EYS: variants seen among roughly 807,000 people sequenced by gnomAD.
EYS encodes protein eyes shut homolog.
A neutral mutation model predicts 282.1 loss-of-function variants in EYS; 250 were observed. The ratio of observed to expected loss-of-function variants is 0.89; its 90% CI spans 0.80 to 0.98. The LOEUF (loss-of-function observed/expected upper bound fraction) is 0.98. Ranked by LOEUF, EYS falls within the 50% of genes least tolerant of loss-of-function variation. EYS has a pLI of 0.00. For missense variants in EYS, 4,016 were observed against 3,709.0 expected, an observed-to-expected ratio of 1.08 and a Z score of -2.15; for synonymous variants, 1,355 against 1,282.9, an observed-to-expected ratio of 1.06 and a Z score of -1.20.
At chr6:63,848,896 C>T (rs1772170240) in intron 36 of EYS, among the ~76,000 whole-genome samples, 1 of 152,182 alleles carries the variant, frequency 6.6e-6, no homozygotes, top group Non-Finnish European at 1.5e-5. Context: ...CTCAGCGGAT[C>T]CCACCTCCAT....
chr6:65,364,247 G>GCTT (rs113187875), intron 8 of EYS, among the ~76,000 whole-genome samples: 1 of 146,320 alleles, frequency 6.8e-6, no homozygotes, highest in Non-Finnish European at 1.5e-5. Context: ...TCAACTAAAT[G>GCTT]TTTTTTTTTT....
intron 26 of EYS, among the ~76,000 whole-genome samples, chr6:64,577,758 C>G (rs1338118910): frequency 2.6e-5 from 4 of 152,042 alleles, no homozygotes; most frequent in African/African-American, 9.7e-5. Context: ...TAAGGAATGT[C>G]ATTATACACT....
chr6:65,536,522 G>A (rs1767969262), intron 2 of EYS, among the ~76,000 whole-genome samples: 2 of 152,070 alleles, frequency 1.3e-5, no homozygotes, highest in South Asian at 4.1e-4. Flanking sequence ...AGTAGTTCAA[G>A]AAAAAGCCAG....
Position 64,591,406 on chromosome 6 carries a change from G to A in EYS, c.4461C>T (p.Leu1487=). 1 of 1,551,282 alleles carries A rather than the reference G, an allele frequency of 6.4e-7. No homozygotes were observed. The highest frequency in any genetic ancestry group is 1.4e-5 in the African/African-American group (1 of 73,122). Residue 1487 remains leucine, a synonymous_variant, in exon 26 of 43, where the codon CTC becomes CTT. Transcript: ENST00000503581. ...GAAAAATGGGAGACATCGAGGGGCT[G>A]AGCAATCTCCAGTGCTCTCTTCTTG... ...LISRREHWRL[L]SPSMSPIFPA...
chr6:64,927,933 C>T (rs1768572219), intron 15 of EYS, among the ~76,000 whole-genome samples: 1 of 151,788 alleles, frequency 6.6e-6, no homozygotes, highest in African/African-American at 2.4e-5. Flanking sequence ...TTTTCAAAAG[C>T]CCAACAAATA....
At chr6:65,583,204 T>C (rs1441934010) in intron 2 of EYS, among the ~76,000 whole-genome samples, 1 of 152,072 alleles carries the variant, frequency 6.6e-6, no homozygotes, top group Non-Finnish European at 1.5e-5. Flanking sequence ...AAATCTAGGT[T>C]ATAATACTCC....
At chr6:64,302,131 T>G (rs1443873303) in intron 30 of EYS, among the ~76,000 whole-genome samples, 1 of 152,214 alleles carries the variant, frequency 6.6e-6, no homozygotes, top group Non-Finnish European at 1.5e-5. Flanking sequence ...CTGCCCGGTT[T>G]ATTGGCTTAT....
intron 1 of EYS, among the ~76,000 whole-genome samples, chr6:65,668,032 G>C (rs1466158219): frequency 2.0e-5 from 3 of 151,832 alleles, no homozygotes; most frequent in Non-Finnish European, 4.4e-5. Context: ...AGTATCAGTA[G>C]TACACAAAGC....
At chr6:65,021,707 C>G (rs1468091408) in intron 13 of EYS, among the ~76,000 whole-genome samples, 1 of 152,174 alleles carries the variant, frequency 6.6e-6, no homozygotes, top group East Asian at 1.9e-4. Context: ...CTAGTACATT[C>G]TCATCATGCT....
chr6:65,246,411 CATT>C (rs1176767675), intron 12 of EYS, among the ~76,000 whole-genome samples: 1 of 152,030 alleles, frequency 6.6e-6, no homozygotes, highest in Non-Finnish European at 1.5e-5. Flanking sequence ...TAATTTGTAA[CATT>C]ATTTAATTAT....
intron 29 of EYS, among the ~76,000 whole-genome samples, chr6:64,345,498 A>G (rs1158020843): frequency 6.6e-6 from 1 of 152,184 alleles, no homozygotes; most frequent in Non-Finnish European, 1.5e-5. Context: ...GGCTAGCCAT[A>G]TGTAGAAAGC....
chr6:65,338,752 G>A (rs1308954332), intron 10 of EYS, among the ~76,000 whole-genome samples: 1 of 150,976 alleles, frequency 6.6e-6, no homozygotes, highest in African/African-American at 2.4e-5. Flanking sequence ...GGAAACAGAA[G>A]TAAAACAAAC....
intron 30 of EYS, among the ~76,000 whole-genome samples, chr6:64,259,011 C>A (rs1185046795): frequency 6.6e-6 from 1 of 152,098 alleles, no homozygotes; most frequent in Non-Finnish European, 1.5e-5. Flanking sequence ...CACTTGCCTT[C>A]TGAGAACAGA....
chr6:64,913,774 T>C (rs968791090), intron 15 of EYS, among the ~76,000 whole-genome samples: 2 of 152,154 alleles, frequency 1.3e-5, no homozygotes, highest in African/African-American at 4.8e-5. Context: ...TGGATGCTCA[T>C]TAGTGGGATT....
intron 26 of EYS, among the ~76,000 whole-genome samples, chr6:64,446,011 A>C (rs1253243846): frequency 6.6e-6 from 1 of 152,230 alleles, no homozygotes; most frequent in Non-Finnish European, 1.5e-5. Flanking sequence ...CTTAAGATAC[A>C]CAATCACATG....
intron 8 of EYS, 103 bp downstream of exon 8, chr6:65,384,283 T>C: frequency 1.4e-6 from 1 of 707,248 alleles, no homozygotes; most frequent in Non-Finnish European, 2.5e-6. Context: ...TATAAGGATA[T>C]GTTTCTCTGG....
intron 12 of EYS, among the ~76,000 whole-genome samples, chr6:65,270,119 A>G (rs576072580): frequency 2.2e-4 from 34 of 152,290 alleles, no homozygotes; most frequent in African/African-American, 7.9e-4. Flanking sequence ...CCAGCTGTGA[A>G]TTTTTGAAAC....
At position 65,197,420 on chromosome 6, in the gene EYS, G is replaced by C. The variant is rs542706892; in HGVS notation, c.2023+98443C>G. Among the ~76,000 whole-genome samples the C allele has an allele frequency of 2.6e-5, 4 of 152,128 alleles. No individual in the cohort carries two copies. In the East Asian group the frequency reaches 7.7e-4, roughly 29 times the overall value. On this transcript the variant is annotated intron_variant, in intron 12 of 42. Coordinates refer to ENST00000503581, the MANE Select transcript of EYS (RefSeq NM_001142800.2). ...CCATTAAAAAAGGGAGTTCTGGAAA[G>C]AGGAATAGCATGTGAAATATCACTT...
At chr6:64,979,973 C>A (rs922188529) in intron 14 of EYS, among the ~76,000 whole-genome samples, 1 of 151,434 alleles carries the variant, frequency 6.6e-6, no homozygotes, top group African/African-American at 2.4e-5. Flanking sequence ...GATGCACAAT[C>A]CTTGGAGACA....
Sources: allele counts gnomAD v4.1 joint callset (sites outside exome capture counted in the v4.1 genomes callset), GRCh38; gene constraint gnomAD v4.1.1; transcripts MANE v1.5; gene names NCBI Gene and HGNC (gene_info 2026-07-23, HGNC 2026-07-21).